The following FBXO24 variants were observed in gnomAD, a reference collection of about 807,000 sequenced individuals.
FBXO24 encodes F-box only protein 24.
FBXO24 carries 30 observed loss-of-function variants against 63.5 expected under a neutral mutation model. The observed-to-expected ratio is 0.47, with a 90% CI of 0.35 to 0.64. The LOEUF (loss-of-function observed/expected upper bound fraction) is 0.64. FBXO24 is among the 30% of genes least tolerant of loss of function. FBXO24 has a pLI of 0.00. For synonymous variants in FBXO24, 300 were observed against 305.0 expected, an observed-to-expected ratio of 0.98 and a Z score of 0.17; for missense variants, 624 against 763.4, an observed-to-expected ratio of 0.82 and a Z score of 2.15.
At chr7:100,591,281 G>C (rs748693164) in intron 3 of FBXO24, among the ~76,000 whole-genome samples, 15 of 151,894 alleles carry the variant, frequency 9.9e-5, no homozygotes, top group Non-Finnish European at 1.9e-4. Flanking sequence ...CCAAAGTGCT[G>C]GGATTACAGG....
At position 100,594,622 on chromosome 7, in the gene FBXO24, G is replaced by C; in HGVS notation, c.952+81G>C. ...ATCAACACCCTTCACCCTTACTCCA[G>C]CTGCATGGTGAACCCCTGAGGGCAT... On this transcript the variant is annotated intron_variant, in intron 6 of 9. Transcript: ENST00000241071. This position sits in a 1 kb window ranked among gnomAD's most constrained non-coding sequence, Gnocchi z 4.2. The C allele has an allele frequency of 7.2e-7, 1 of 1,382,014 alleles. No homozygotes were observed. Among genetic ancestry groups the C allele is most frequent in the Non-Finnish European group, 9.5e-7 (1 of 1,057,836 alleles). 85.6% of individuals were successfully genotyped at this position (1,382,014 alleles called of 1,614,324 possible).
chr7:100,595,858 C>CA, intron 8 of FBXO24, 152 bp downstream of exon 8: 1 of 1,070,006 alleles, frequency 9.3e-7, no homozygotes, highest in Non-Finnish European at 1.3e-6. Flanking sequence ...GGTACTACCC[C>CA]ATGTCTTACC....
In FBXO24 at chr7:100,600,927, A is replaced by G. The variant is rs1802579572; in HGVS notation, c.*28A>G. 1 of 1,596,396 alleles carries G rather than the reference A, an allele frequency of 6.3e-7. No individual in the cohort carries two copies. Among genetic ancestry groups the G allele is most frequent in the African/African-American group, 1.3e-5 (1 of 74,472 alleles). ...CCCCTCATGCTAGCCTAGTCCCTGG[A>G]GGAGGGAGTCCGGCCCCAGGCCAGG... On this transcript the variant is annotated 3_prime_UTR_variant, in exon 10 of 10. Coordinates refer to ENST00000241071, the MANE Select transcript of FBXO24 (RefSeq NM_033506.3). This position sits in a 1 kb window ranked among gnomAD's most constrained non-coding sequence, Gnocchi z 6.3.
Position 100,586,377 on chromosome 7 carries a change from T to C in FBXO24, c.-249T>C, listed in dbSNP as rs555226248. On this transcript the variant is annotated 5_prime_UTR_variant, in exon 1 of 10. Transcript: ENST00000241071. ...TCCAGGCCGTCCCGCCCAGCGCAGC[T>C]GCACCCAATCACAATGCTCAGATCG... The C allele has an allele frequency of 7.9e-6, 5 of 631,010 alleles. No individual in the cohort carries two copies. In the African/African-American group the frequency reaches 9.2e-5, roughly 12 times the overall value. 39.1% of individuals were successfully genotyped at this position (631,010 alleles called of 1,614,324 possible).
chr7:100,590,214 T>C lies in FBXO24; in HGVS notation c.179T>C (p.Val60Ala). The C allele has an allele frequency of 6.2e-7, 1 of 1,614,118 alleles. No homozygotes were observed. The highest frequency in any genetic ancestry group is 8.5e-7 in the Non-Finnish European group (1 of 1,179,988). Reference sequence around the variant, plus strand: ...TCATTCCTCCCAGTCAGAGACCTTGTTGCCCTCGGCCAGACCTGCCGCTAC... The same window carrying C: ...TCATTCCTCCCAGTCAGAGACCTTGCTGCCCTCGGCCAGACCTGCCGCTAC... ...IISFLPVRDL[V>A]ALGQTCRYFH... is the part of the protein sequence containing the mutation. The change falls in exon 3 of 10, where the codon GTT becomes GCT. Residue 60 changes from valine (V) to alanine (A), a missense_variant. By Grantham distance (64) the Val-to-Ala change is moderately conservative. This residue lies in a region of FBXO24 where 391 missense variants were observed against 469.1 expected (regional missense o/e 0.83). Coordinates refer to ENST00000241071, the MANE Select transcript of FBXO24 (RefSeq NM_033506.3).
rs946940461 is a variant in FBXO24, at chr7:100,595,107, G to A, written c.958G>A (p.Gly320Arg). 6.2e-7 allele frequency: 1 copy of A among 1,613,850 alleles called. No individual in the cohort carries two copies. The highest frequency in any genetic ancestry group is 1.3e-5 in the African/African-American group (1 of 74,878). Residue 320 changes from glycine (G) to arginine (R), a missense_variant, in exon 7 of 10, where the codon GGG (glycine) becomes AGG (arginine). By Grantham distance (125) the Gly-to-Arg change is moderately radical (BLOSUM62 -2). Transcript: ENST00000241071. ...GAGGGCTCCTGACCCCCCAGACCAG[G>A]GGGGAGTGTATTTTGAGGTGCATAC... The part of the protein sequence containing the change: ...QSSTLYVTDQ[G>R]GVYFEVHTPG...
rs757095023 is a variant in FBXO24, at chr7:100,591,982, C to T, written c.558+80C>T. The T allele has an allele frequency of 2.6e-5, 37 of 1,408,208 alleles. No homozygotes were observed. The Middle Eastern group carries it at 6.0e-4, about 23-fold the overall frequency. The allele number at this position is 1,408,208 out of a possible 1,614,324, so 87.2% of individuals were successfully genotyped here. ...ACTGCTATAAAGACGTACCAGAGGC[C>T]GGGTGCAGTGGCTTACACCTGTAAT... On this transcript the variant is annotated intron_variant, in intron 4 of 9. Transcript: ENST00000241071.
chr7:100,598,194 T>C (rs181657543), intron 8 of FBXO24, among the ~76,000 whole-genome samples: 2 of 152,284 alleles, frequency 1.3e-5, no homozygotes, highest in East Asian at 3.9e-4. Context: ...ACTGAGACCC[T>C]ATCTCTAAAA....
Position 100,591,895 on chromosome 7 carries a change from C to A in FBXO24, c.551C>A (p.Ala184Asp). The A allele has an allele frequency of 6.2e-7, 1 of 1,614,122 alleles. No individual in the cohort carries two copies. The highest frequency in any genetic ancestry group is 8.5e-7 in the Non-Finnish European group (1 of 1,179,986). The change falls in exon 4 of 10, where the codon GCC becomes GAC. Residue 184 changes from alanine (A) to aspartate (D), a missense_variant. By Grantham distance (126) the Ala-to-Asp change is moderately radical. Coordinates refer to ENST00000241071, the MANE Select transcript of FBXO24 (RefSeq NM_033506.3). ...CGCTATGTTGTGTTGTGTCGTGGAG[C>A]CAAGGATGTGAGTAGCAGAACCCTG... ...ACRYVVLCRG[A>D]KDFASDPRCD...
chr7:100,593,726 G>A (rs1802149084), intron 5 of FBXO24, among the ~76,000 whole-genome samples: 3 of 150,350 alleles, frequency 2.0e-5, no homozygotes. Context: ...GAACCCAGGA[G>A]GTGGAGGTTT....
rs1801760636 is a variant in FBXO24, at chr7:100,586,554, A to G, written c.-72A>G. The G allele has an allele frequency of 2.6e-6, 4 of 1,512,294 alleles. No individual in the cohort carries two copies. In the Admixed American group the frequency reaches 6.7e-5, roughly 25 times the overall value. 93.7% of individuals were successfully genotyped at this position (1,512,294 alleles called of 1,614,324 possible). A position where few individuals can be genotyped will look rare whatever the true frequency, so the allele number is the denominator to read the frequency against. ...AGATACAGGCGAGTGACTGTCAAGA[A>G]GGCCAATTAGAGCCTCCGAAGGGAA... On this transcript the variant is annotated 5_prime_UTR_variant, in exon 1 of 10. Transcript: ENST00000241071.
rs7801492 is a variant in FBXO24, at chr7:100,594,494, G to A, written c.905G>A (p.Arg302His). The change falls in exon 6 of 10, where the codon CGC (arginine) becomes CAC (histidine). Residue 302 changes from arginine (R) to histidine (H), a missense_variant. By Grantham distance (29) the Arg-to-His change is conservative (BLOSUM62 0). Transcript: ENST00000241071. The surrounding 1 kb of genome is among the most constrained non-coding windows in gnomAD (Gnocchi z 4.2). ...RKVSHYLPHL[R>H]VACMTSNQSS... ...GTGTCCCACTACCTGCCTCACCTGC[G>A]CGTGGCCTGCATGACTTCCAACCAG... 7.2e-3 allele frequency: 11,562 copies of A among 1,612,836 alleles called. 59 individuals are homozygous for A. Among genetic ancestry groups the A allele is most frequent in the Non-Finnish European group, 7.8e-3 (9,185 of 1,179,444 alleles).
rs867888213 is a variant in FBXO24, at chr7:100,600,589, C to A, written c.1433C>A (p.Ser478Tyr). 5.8e-5 allele frequency: 94 copies of A among 1,607,718 alleles called. No homozygotes were observed. The Admixed American group carries it at 6.2e-4, about 11-fold the overall frequency. The change falls in exon 10 of 10, where the codon TCC becomes TAC. Residue 478 changes from serine to tyrosine, a missense_variant. Physicochemically the swap from Ser to Tyr is moderately radical, Grantham distance 144. Transcript: ENST00000241071. This position sits in a 1 kb window ranked among gnomAD's most constrained non-coding sequence, Gnocchi z 6.3. ...CATRECLYIL[S>Y]SHDIEQHAPY... The stretch of plus-strand genomic sequence containing the variant: ...ACCAGGGAGTGCCTATACATCCTGT[C>A]CAGCCACGACATTGAGCAGCACGCC...
intron 5 of FBXO24, 32 bp downstream of exon 5, chr7:100,593,049 G>A: frequency 1.9e-6 from 3 of 1,586,110 alleles, no homozygotes; most frequent in African/African-American, 2.7e-5. Flanking sequence ...TTTGCAAACT[G>A]TTTCCTGCAG....
intron 6 of FBXO24, 97 bp from the exon 7 acceptor site, chr7:100,595,005 A>T: frequency 6.5e-7 from 1 of 1,529,600 alleles, no homozygotes; most frequent in Non-Finnish European, 8.9e-7. Flanking sequence ...AGTGGGTATG[A>T]GACTCCTTGG....
rs576588507 is a variant in FBXO24, at chr7:100,594,803, A to G, written c.952+262A>G. Among the ~76,000 whole-genome samples the G allele has an allele frequency of 1.3e-5, 2 of 152,270 alleles. No homozygotes were observed. Among genetic ancestry groups the G allele is most frequent in the South Asian group, 4.1e-4 (2 of 4,824 alleles). On this transcript the variant is annotated intron_variant, in intron 6 of 9. Transcript: ENST00000241071. The surrounding 1 kb of genome is among the most constrained non-coding windows in gnomAD (Gnocchi z 4.2). ...CCATCTCTACTAAAATACAAAAATT[A>G]GCTGGGTGTGATGGCAGGCGCCTGT... is the stretch of plus-strand genomic sequence containing the variant.
intron 1 of FBXO24, chr7:100,586,885 GCA>G (rs2131251793): frequency 2.0e-6 from 1 of 511,112 alleles, no homozygotes; most frequent in East Asian, 3.9e-5. Flanking sequence ...GAAGCCTCTG[GCA>G]GGGGTCTCGG....
At chr7:100,590,109 G>A in intron 2 of FBXO24, 34 bp downstream of exon 2, 1 of 1,608,596 alleles carries the variant, frequency 6.2e-7, no homozygotes, top group South Asian at 1.1e-5. Context: ...GAGAATAATA[G>A]GATTGGGGGC....
rs1403857055 is a variant in FBXO24 at position 100,600,663 on chromosome 7, A to G, written c.1507A>G (p.Ser503Gly). ...CAGGGTGGTGGGGACTCCTGAGCCC[A>G]GCCTGGGGGCCAGAGCACCCCAGGA... Reference protein sequence around the residue: ...ASRVVGTPEPSLGARAPQDPG... With the variant: ...ASRVVGTPEPGLGARAPQDPG... The change falls in exon 10 of 10, where the codon AGC becomes GGC. Residue 503 changes from serine (S) to glycine (G), a missense_variant. Physicochemically the swap from Ser to Gly is moderately conservative, Grantham distance 56. Coordinates refer to ENST00000241071, the MANE Select transcript of FBXO24 (RefSeq NM_033506.3). This position sits in a 1 kb window ranked among gnomAD's most constrained non-coding sequence, Gnocchi z 6.3. 6.2e-7 allele frequency: 1 copy of G among 1,614,016 alleles called. No homozygotes were observed. The highest frequency in any genetic ancestry group is 1.7e-5 in the Admixed American group (1 of 60,020).
Sources: gnomAD v4.1 joint callset for allele counts (sites outside exome capture counted in the v4.1 genomes callset) on GRCh38, gnomAD v4.1.1 for gene constraint, gnomAD v4.1.1 regional missense constraint, Gnocchi (gnomAD v3.1) non-coding constraint, MANE v1.5 for transcripts, NCBI Gene and HGNC (gene_info 2026-07-23, HGNC 2026-07-21) for gene names.